The following IL16 variants were observed in gnomAD, a reference collection of about 807,000 sequenced individuals.
The protein encoded by IL16 is interleukin 16.
Under a neutral mutation model 110.1 loss-of-function variants are expected in IL16, and 67 were observed. The observed-to-expected ratio is 0.61, with a 90% CI of 0.50 to 0.75. IL16 has a LOEUF of 0.75. Among genes scored for constraint, IL16 ranks in the 30% least tolerant of loss-of-function variants. The pLI, the probability that IL16 is intolerant of heterozygous loss-of-function variation, is 0.00. For missense variants in IL16, 1,545 were observed against 1,655.0 expected (o/e 0.93, Z 1.15); for synonymous variants, 689 against 662.9 (o/e 1.04, Z -0.61).
intron 11 of IL16, among the ~76,000 whole-genome samples, chr15:81,291,645 C>T (rs1304777205): frequency 6.6e-6 from 1 of 152,046 alleles, no homozygotes; most frequent in South Asian, 2.1e-4. Context: ...GACAGCTTAC[C>T]ACTAGAGAGA....
intron 2 of IL16, among the ~76,000 whole-genome samples, chr15:81,254,491 A>G (rs1457305842): frequency 6.6e-6 from 1 of 152,186 alleles, no homozygotes; most frequent in Non-Finnish European, 1.5e-5. Context: ...AAATATTTAA[A>G]GAGTTCTCTG....
chr15:81,231,857 C>G (rs1279013074), intron 2 of IL16, among the ~76,000 whole-genome samples: 1 of 152,124 alleles, frequency 6.6e-6, no homozygotes, highest in East Asian at 1.9e-4. Context: ...CCTGTCCTCA[C>G]CCCACTGCAT....
In IL16 at chr15:81,308,951, G is replaced by C. The variant is rs1222725117; in HGVS notation, c.*153G>C. On this transcript the variant is annotated 3_prime_UTR_variant, in exon 19 of 19. Transcript: ENST00000683961. Reference sequence around the variant, plus strand: ...TGCTGCCCAGGCCCAGACCTTCTAGGACGCCACCCAGCAAAAGGTTGTTCC... The same window carrying C: ...TGCTGCCCAGGCCCAGACCTTCTAGCACGCCACCCAGCAAAAGGTTGTTCC... The C allele has an allele frequency of 1.7e-6, 1 of 580,836 alleles. No individual in the cohort carries two copies. Among genetic ancestry groups the C allele is most frequent in the African/African-American group, 1.9e-5 (1 of 52,042 alleles). 36.0% of individuals were successfully genotyped at this position (580,836 alleles called of 1,614,324 possible). A position where few individuals can be genotyped will look rare whatever the true frequency, so the allele number is the denominator to read the frequency against.
At chr15:81,244,368 G>T (rs1168366556) in intron 2 of IL16, among the ~76,000 whole-genome samples, 1 of 151,702 alleles carries the variant, frequency 6.6e-6, no homozygotes, top group Non-Finnish European at 1.5e-5. Context: ...CTGTTTTTTT[G>T]GGATAGTTCT....
At chr15:81,265,826 AGAG>A in intron 4 of IL16, 25 bp downstream of exon 4, 2 of 1,597,310 alleles carry the variant, frequency 1.3e-6, no homozygotes, top group Non-Finnish European at 1.7e-6. Flanking sequence ...AGGGAAACTC[AGAG>A]AAGAGTTTCT....
Position 81,297,093 on chromosome 15 carries a change from A to G in IL16, c.2053+15A>G. 6.3e-7 allele frequency: 1 copy of G among 1,599,890 alleles called. No individual in the cohort carries two copies. Among genetic ancestry groups the G allele is most frequent in the Non-Finnish European group, 8.5e-7 (1 of 1,174,034 alleles). On this transcript the variant is annotated intron_variant, in intron 13 of 18. Transcript: ENST00000683961. The stretch of plus-strand genomic sequence containing the variant: ...AGCCAGCCCAGGTAAGCTTTCATTG[A>G]GATCTTCCAAAAGGAAGGGTCTTTT...
At chr15:81,228,290 T>G (rs574265180) in intron 2 of IL16, among the ~76,000 whole-genome samples, 1 of 151,898 alleles carries the variant, frequency 6.6e-6, no homozygotes, top group Admixed American at 6.6e-5. Context: ...AACTTCACCT[T>G]TTCATCTCTT....
At chr15:81,270,889 T>A (rs58843615) in intron 5 of IL16, among the ~76,000 whole-genome samples, 4 of 152,030 alleles carry the variant, frequency 2.6e-5, no homozygotes, top group Non-Finnish European at 5.9e-5. Context: ...AGTTCAGAAA[T>A]AAAGCAGGCT....
chr15:81,259,777 T>A lies in IL16; in HGVS notation c.318T>A (p.Ser106=). ...TCRRIFFMKE[S]STASSREKPG... ...AGACGGCAATTGTTTTGCAGGAATC[T>A]TCCACAGCTTCCTCTCGAGAAAAGC... The change falls in exon 3 of 19, where the codon TCT becomes TCA. Residue 106 remains serine (S), a synonymous_variant. Coordinates refer to ENST00000683961, the MANE Select transcript of IL16 (RefSeq NM_172217.5). The A allele has an allele frequency of 1.2e-6, 2 of 1,611,072 alleles. No individual in the cohort carries two copies. The highest frequency in any genetic ancestry group is 1.7e-6 in the Non-Finnish European group (2 of 1,177,330).
At chr15:81,226,603 C>G (rs960265244) in intron 2 of IL16, among the ~76,000 whole-genome samples, 1 of 152,222 alleles carries the variant, frequency 6.6e-6, no homozygotes, top group African/African-American at 2.4e-5. Flanking sequence ...TTGCCTTCTT[C>G]AGGAGGGAAA....
intron 3 of IL16, among the ~76,000 whole-genome samples, chr15:81,260,899 T>C (rs1428619196): frequency 6.6e-6 from 1 of 152,260 alleles, no homozygotes; most frequent in East Asian, 1.9e-4. Flanking sequence ...CATAATTTTC[T>C]AGAAATGGAA....
In IL16 at chr15:81,270,082, G is replaced by A. The variant is rs60728728; in HGVS notation, c.675+434G>A. 1.9e-3 allele frequency among the ~76,000 whole-genome samples: 296 copies of A among 152,332 alleles called. 1 individual carries two copies. The highest frequency in any genetic ancestry group is 6.8e-3 in the Middle Eastern group (2 of 294). On this transcript the variant is annotated intron_variant, in intron 5 of 18. Transcript: ENST00000683961. ...TAAAAACATATGCTACCTACTACAT[G>A]TGGGAAATTCAATGGTTGATAGTGC...
rs781648023 is a variant in IL16, at chr15:81,225,572, A to C, written c.173A>C (p.His58Pro). The change falls in exon 2 of 19, where the codon CAC (histidine) becomes CCC (proline). Residue 58 changes from histidine (H) to proline (P), a missense_variant. By Grantham distance (77) the His-to-Pro change is moderately conservative (BLOSUM62 -2). This residue lies in a region of IL16 where 1,185 missense variants were observed against 1,238.8 expected (regional missense o/e 0.96). Coordinates refer to ENST00000683961, the MANE Select transcript of IL16 (RefSeq NM_172217.5). ...SLAQGKEGIFHSSVQLADTSE... is the reference protein window; with the variant it reads ...SLAQGKEGIFPSSVQLADTSE... ...GCCCAGGGCAAGGAGGGAATTTTCC[A>C]CTCATCTGTGCAGCTGGCAGACACA... is the stretch of plus-strand genomic sequence containing the variant. 3.7e-5 allele frequency: 59 copies of C among 1,613,892 alleles called. No homozygotes were observed. The highest frequency in any genetic ancestry group is 2.5e-6 in the Non-Finnish European group (3 of 1,179,978).
chr15:81,273,714 A>G (rs1898763112), intron 6 of IL16, among the ~76,000 whole-genome samples: 2 of 152,142 alleles, frequency 1.3e-5, no homozygotes, highest in African/African-American at 2.4e-5. Context: ...GGGTCTAGGA[A>G]TACAGATAGA....
At chr15:81,207,258 A>G (rs1018033461) in intron 1 of IL16, among the ~76,000 whole-genome samples, 12 of 151,134 alleles carry the variant, frequency 7.9e-5, no homozygotes, top group Non-Finnish European at 1.6e-4. Flanking sequence ...AAAAAAAAAA[A>G]AAACAAAAAA....
intron 3 of IL16, among the ~76,000 whole-genome samples, chr15:81,263,593 G>C (rs1006521631): frequency 6.6e-6 from 1 of 152,174 alleles, no homozygotes; most frequent in Non-Finnish European, 1.5e-5. Flanking sequence ...TCTGGTCTGC[G>C]TCCCCACAGA....
intron 11 of IL16, chr15:81,291,936 A>T (rs987790274): frequency 6.6e-6 from 3 of 455,934 alleles, no homozygotes; most frequent in African/African-American, 6.0e-5. Flanking sequence ...GCAGAAATGG[A>T]GTTGGGTCCC....
chr15:81,194,748 A>G (rs1032442845), upstream of IL16, among the ~76,000 whole-genome samples: 1 of 152,218 alleles, frequency 6.6e-6, no homozygotes, highest in South Asian at 2.1e-4. Context: ...TGTTGGCAGC[A>G]TGCTTCCTCC....
chr15:81,240,371 C>A (rs1396602221), intron 2 of IL16, among the ~76,000 whole-genome samples: 1 of 151,848 alleles, frequency 6.6e-6, no homozygotes, highest in Non-Finnish European at 1.5e-5. Flanking sequence ...GAGTATAAAT[C>A]TAGGTGTGGA....
Sources: allele counts gnomAD v4.1 joint callset (sites outside exome capture counted in the v4.1 genomes callset), GRCh38; gene constraint gnomAD v4.1.1; regional missense constraint gnomAD v4.1.1; transcripts MANE v1.5; gene names NCBI Gene and HGNC (gene_info 2026-07-23, HGNC 2026-07-21).